Variants in ULK2 observed in about 807,000 individuals in gnomAD.
The protein encoded by ULK2 is serine/threonine-protein kinase ULK2.
A neutral mutation model predicts 127.5 loss-of-function variants in ULK2; 76 were observed. That is an observed-to-expected ratio of 0.60 (90% CI 0.50 to 0.72). The LOEUF (loss-of-function observed/expected upper bound fraction) is 0.72, where lower values mean the gene tolerates loss of function less well. Among genes scored for constraint, ULK2 ranks in the 30% least tolerant of loss-of-function variants. The probability of loss-of-function intolerance (pLI) is 0.00; values close to 1 mark genes in which losing one functional copy is unlikely to be tolerated. For missense variants in ULK2, 1,144 were observed against 1,295.9 expected, an observed-to-expected ratio of 0.88 and a Z score of 1.80; for synonymous variants, 452 against 461.9, an observed-to-expected ratio of 0.98 and a Z score of 0.28.
chr17:19,803,518 A>C (rs1350386586), intron 15 of ULK2, among the ~76,000 whole-genome samples: 4 of 152,236 alleles, frequency 2.6e-5, no homozygotes, highest in Non-Finnish European at 5.9e-5. Flanking sequence ...TTTATTATGA[A>C]AATAGTTTTG....
Position 19,776,131 on chromosome 17 carries a change from A to G in ULK2, c.*218T>C, listed in dbSNP as rs956673962. 8 of 503,386 alleles carry G rather than the reference A, an allele frequency of 1.6e-5. No homozygotes were observed. Among genetic ancestry groups the G allele is most frequent in the Non-Finnish European group, 2.5e-5 (7 of 282,106 alleles). The allele number at this position is 503,386 out of a possible 1,614,324, so 31.2% of individuals were successfully genotyped here. A position where few individuals can be genotyped will look rare whatever the true frequency, so the allele number is the denominator to read the frequency against. ...CAAACACTCTTGCTCCTGCTTCTAC[A>G]AAGAAAAAGGGAAAGGGTGATTTTC... On this transcript the variant is annotated 3_prime_UTR_variant, in exon 27 of 27. Transcript: ENST00000395544.
chr17:19,806,532 C>T (rs1014953682), intron 14 of ULK2, among the ~76,000 whole-genome samples: 1 of 152,230 alleles, frequency 6.6e-6, no homozygotes, highest in Non-Finnish European at 1.5e-5. Flanking sequence ...GGATGGTGTT[C>T]TGCAAATGTT....
intron 12 of ULK2, among the ~76,000 whole-genome samples, chr17:19,824,274 G>A (rs916408845): frequency 2.0e-5 from 3 of 151,728 alleles, no homozygotes; most frequent in Admixed American, 6.6e-5. Flanking sequence ...GTGAAACCCC[G>A]TCTCTACAAA....
chr17:19,808,094 G>A (rs753635912), intron 14 of ULK2, among the ~76,000 whole-genome samples: 46 of 152,070 alleles, frequency 3.0e-4, no homozygotes, highest in Non-Finnish European at 5.3e-4. Flanking sequence ...CAACAAGAGC[G>A]AAACTCCATC....
At chr17:19,859,322 T>C (rs543131274) in intron 3 of ULK2, among the ~76,000 whole-genome samples, 124 of 152,180 alleles carry the variant, frequency 8.1e-4, no homozygotes, top group African/African-American at 2.8e-3. Context: ...AAGACCAGCC[T>C]GGGCAACAAG....
At position 19,784,033 on chromosome 17, in the gene ULK2, C is replaced by G. The variant is rs527908863; in HGVS notation, c.2252-128G>C. 4.7e-6 allele frequency: 3 copies of G among 640,310 alleles called. No homozygotes were observed. The African/African-American group carries it at 5.6e-5, about 12-fold the overall frequency. 39.7% of individuals were successfully genotyped at this position (640,310 alleles called of 1,614,324 possible). On this transcript the variant is annotated intron_variant, in intron 21 of 26. Transcript: ENST00000395544. ...GTTTCGTTAAAAGAAACTCACTGACCCCCTATGTACTATTTGAGGATATTA... is the reference window on the plus strand; with the variant it reads ...GTTTCGTTAAAAGAAACTCACTGACGCCCTATGTACTATTTGAGGATATTA...
At position 19,867,849 on chromosome 17, in the gene ULK2, C is replaced by CT. The variant is rs1490023410; in HGVS notation, c.-433dup. ...TGCTGCGACGGCGACGGCCGCCGCC[C>CT]TAGAACCCGCACCGCCGCGGCCCCG... On this transcript the variant is annotated 5_prime_UTR_variant, in exon 1 of 27. Transcript: ENST00000395544. The CT allele has an allele frequency of 2.0e-5, 3 of 150,970 alleles. No homozygotes were observed. The highest frequency in any genetic ancestry group is 4.8e-5 in the African/African-American group (2 of 41,284). The allele number at this position is 150,970 out of a possible 1,614,324, so 9.4% of individuals were successfully genotyped here.
At chr17:19,867,214 T>A (rs930624201) in intron 1 of ULK2, 114 bp downstream of exon 1, 12 of 764,148 alleles carry the variant, frequency 1.6e-5, no homozygotes, top group Middle Eastern at 4.0e-4. Flanking sequence ...CACAATAGCA[T>A]ACCCGGGCGG....
In ULK2 at chr17:19,836,177, G is replaced by A. The variant is rs867714772; in HGVS notation, c.787+2324C>T. Among the ~76,000 whole-genome samples, 11 of 151,254 alleles carry A rather than the reference G, an allele frequency of 7.3e-5. 1 individual carries two copies. The South Asian group carries it at 1.0e-3, about 14-fold the overall frequency. On this transcript the variant is annotated intron_variant, in intron 10 of 26. Transcript: ENST00000395544. ...TGTAATCCCACCACTTTGGGAGACC[G>A]AGGCAGGTGGATTATGAGGTCAGGA...
At chr17:19,864,717 T>A in intron 3 of ULK2, 86 bp downstream of exon 3, 1 of 497,128 alleles carries the variant, frequency 2.0e-6, no homozygotes, top group Non-Finnish European at 3.2e-6. Flanking sequence ...ATTAAGGTCA[T>A]TTTTATTTCT....
chr17:19,861,728 A>C (rs995159931), intron 3 of ULK2, among the ~76,000 whole-genome samples: 1 of 152,248 alleles, frequency 6.6e-6, no homozygotes, highest in Non-Finnish European at 1.5e-5. Flanking sequence ...AAGACAAACT[A>C]CACAAACAGC....
At chr17:19,818,864 G>GC (rs2041065257) in intron 12 of ULK2, among the ~76,000 whole-genome samples, 1 of 125,100 alleles carries the variant, frequency 8.0e-6, no homozygotes, top group Non-Finnish European at 1.6e-5. Flanking sequence ...ACAGTGGCAT[G>GC]ATCTTGGCTC....
chr17:19,829,098 G>A (rs967142232), intron 10 of ULK2, among the ~76,000 whole-genome samples: 3 of 150,024 alleles, frequency 2.0e-5, no homozygotes, highest in South Asian at 2.1e-4. Flanking sequence ...AAAGAGACTC[G>A]CTTTAAATCT....
At chr17:19,840,587 A>G (rs927726376) in intron 9 of ULK2, 18 of 243,030 alleles carry the variant, frequency 7.4e-5, no homozygotes, top group African/African-American at 4.0e-4. Context: ...AAAAAAAAGC[A>G]TACAGTTGGC....
chr17:19,825,210 A>G (rs2041257937), intron 11 of ULK2, 28 bp from the exon 12 acceptor site: 1 of 1,596,690 alleles, frequency 6.3e-7, no homozygotes, highest in Non-Finnish European at 8.6e-7. Context: ...AATGAACTAC[A>G]TCATTTTGTA....
At chr17:19,865,045 TA>T (rs2152404131) in intron 2 of ULK2, among the ~76,000 whole-genome samples, 1 of 152,108 alleles carries the variant, frequency 6.6e-6, no homozygotes, top group African/African-American at 2.4e-5. Context: ...ATATGATTTT[TA>T]GCTCAAAGAG....
chr17:19,801,299 C>A (rs997591916), intron 16 of ULK2, among the ~76,000 whole-genome samples: 1 of 152,130 alleles, frequency 6.6e-6, no homozygotes, highest in East Asian at 1.9e-4. Flanking sequence ...TGGGGCCGGG[C>A]GCGGTGGCTC....
chr17:19,803,331 T>A (rs888893035), intron 15 of ULK2, among the ~76,000 whole-genome samples: 6 of 152,164 alleles, frequency 3.9e-5, no homozygotes, highest in African/African-American at 1.4e-4. Flanking sequence ...TACTGCCTCA[T>A]TAAGGACATT....
intron 9 of ULK2, chr17:19,840,181 AC>A: frequency 2.1e-6 from 1 of 484,216 alleles, no homozygotes; most frequent in Non-Finnish European, 4.2e-6. Context: ...CCGACCCTCA[AC>A]CCAGCCGAAT....
Sources: gnomAD v4.1 joint callset for allele counts (sites outside exome capture counted in the v4.1 genomes callset) on GRCh38, gnomAD v4.1.1 for gene constraint, MANE v1.5 for transcripts, NCBI Gene and HGNC (gene_info 2026-07-23, HGNC 2026-07-21) for gene names.